Variants in DNAH17 observed in about 807,000 individuals in gnomAD.
The protein encoded by DNAH17 is dynein axonemal heavy chain 17.
Under a neutral mutation model 485.6 loss-of-function variants are expected in DNAH17, and 376 were observed. The ratio of observed to expected loss-of-function variants is 0.77; its 90% CI spans 0.71 to 0.84. The LOEUF is 0.84. DNAH17 is among the 40% of genes least tolerant of loss of function. DNAH17 has a pLI of 0.00. For synonymous variants in DNAH17, 3,031 were observed against 2,405.9 expected, an observed-to-expected ratio of 1.26 and a Z score of -7.60; for missense variants, 6,370 against 5,839.3, an observed-to-expected ratio of 1.09 and a Z score of -2.96.
chr17:78,423,945 C>T lies in DNAH17; in HGVS notation c.13350G>A (p.Lys4450=), dbSNP rs1375267851. 1 of 1,613,906 alleles carries T rather than the reference C, an allele frequency of 6.2e-7. No homozygotes were observed. The highest frequency in any genetic ancestry group is 1.3e-5 in the African/African-American group (1 of 74,942). The change falls in exon 81 of 81, where the codon AAG becomes AAA. Residue 4450 remains lysine (K), a synonymous_variant. Transcript: ENST00000389840. ...FNLKTKEKAA[K]WILAAVALLL... The stretch of plus-strand genomic sequence containing the variant: ...GCAGCGCCACGGCTGCCAGGATCCA[C>T]TTCGCTGCCTTCTCTTTGGTCTTCA...
intron 79 of DNAH17, among the ~76,000 whole-genome samples, 185 bp from the exon 80 acceptor site, chr17:78,425,756 CTTTTTTTTT>C (rs71160294): frequency 6.6e-5 from 8 of 120,770 alleles, no homozygotes; most frequent in African/African-American, 3.1e-4. Flanking sequence ...TTGGTGTCTG[CTTTTTTTTT>C]TTTTTTTTTT....
chr17:78,529,600 C>G lies in DNAH17; in HGVS notation c.3379G>C (p.Gly1127Arg), dbSNP rs61733896. 495 of 1,613,936 alleles carry G rather than the reference C, an allele frequency of 3.1e-4. 2 individuals carry two copies. The African/African-American group carries it at 6.3e-3, about 20-fold the overall frequency. The change falls in exon 22 of 81, where the codon GGG becomes CGG. Residue 1127 changes from glycine to arginine, a missense_variant. Coordinates refer to ENST00000389840, the MANE Select transcript of DNAH17 (RefSeq NM_173628.4). ...GDYDGLVEVM[G>R]HLMKVKERQA... is the part of the protein sequence containing the mutation. Reference sequence around the variant, plus strand: ...CTCTCCTTGACTTTCATCAGGTGCCCCATCACCTCCACAAGCCCATCATAG... The same window carrying G: ...CTCTCCTTGACTTTCATCAGGTGCCGCATCACCTCCACAAGCCCATCATAG...
Position 78,464,579 on chromosome 17 carries a change from T to C in DNAH17, c.8941-1502A>G, listed in dbSNP as rs141321463. Among the ~76,000 whole-genome samples the C allele has an allele frequency of 5.0e-3, 763 of 152,326 alleles. 6 individuals carry two copies. Among genetic ancestry groups the C allele is most frequent in the African/African-American group, 0.017 (708 of 41,572 alleles). ...CCCAGCCCTCGGCACCATCTTTCAA[T>C]GAAAAGAGACTGCAAGAGAATGTCG... is the stretch of plus-strand genomic sequence containing the variant. On this transcript the variant is annotated intron_variant, in intron 56 of 80. Transcript: ENST00000389840.
chr17:78,464,064 A>G (rs2088287792), intron 56 of DNAH17, among the ~76,000 whole-genome samples: 1 of 152,194 alleles, frequency 6.6e-6, no homozygotes, highest in African/African-American at 2.4e-5. Context: ...GGAAAAAGAG[A>G]AGCTAGTTTC....
chr17:78,543,763 A>C (rs764205032), intron 17 of DNAH17, 94 bp downstream of exon 17: 8 of 1,564,902 alleles, frequency 5.1e-6, no homozygotes, highest in South Asian at 4.5e-5. Flanking sequence ...ATGTGTCACT[A>C]ATCATTTTTA....
chr17:78,525,044 G>C lies in DNAH17; in HGVS notation c.3829C>G (p.Arg1277Gly). 1 of 1,613,714 alleles carries C rather than the reference G, an allele frequency of 6.2e-7. No homozygotes were observed. Reference sequence around the variant, plus strand: ...ATGTCCCAGAGCTCCTTCAGTAGGCGGACCTCCCGGTGGCAGGCCTTGAGC... The same window carrying C: ...ATGTCCCAGAGCTCCTTCAGTAGGCCGACCTCCCGGTGGCAGGCCTTGAGC... ...KQLKACHREV[R>G]LLKELWDMVV... is the part of the protein sequence containing the mutation. The change falls in exon 25 of 81, where the codon CGC (arginine) becomes GGC (glycine). Residue 1277 changes from arginine (R) to glycine (G), a missense_variant. Physicochemically the swap from Arg to Gly is moderately radical, Grantham distance 125. Coordinates refer to ENST00000389840, the MANE Select transcript of DNAH17 (RefSeq NM_173628.4).
chr17:78,496,077 C>T (rs1598584776), intron 37 of DNAH17, 45 bp from the exon 38 acceptor site: 11 of 1,587,850 alleles, frequency 6.9e-6, no homozygotes, highest in Non-Finnish European at 9.5e-6. Flanking sequence ...AAATGGCCAG[C>T]TTCCACACAC....
intron 20 of DNAH17, among the ~76,000 whole-genome samples, chr17:78,531,531 G>T (rs1338825646): frequency 6.6e-6 from 1 of 151,844 alleles, no homozygotes; most frequent in African/African-American, 2.4e-5. Context: ...GTACAGATGG[G>T]GTTTCACCGT....
Position 78,435,800 on chromosome 17 carries a change from C to T in DNAH17, c.12034-1580G>A, listed in dbSNP as rs536625153. Reference sequence around the variant, plus strand: ...TGTGAGCTGCATGGCCCCATAGCACCGTGTGTACCCCACGCACTCATCACA... The same window carrying T: ...TGTGAGCTGCATGGCCCCATAGCACTGTGTGTACCCCACGCACTCATCACA... On this transcript the variant is annotated intron_variant, in intron 74 of 80. Transcript: ENST00000389840. 5.3e-5 allele frequency among the ~76,000 whole-genome samples: 8 copies of T among 152,270 alleles called. No individual in the cohort carries two copies. The South Asian group carries it at 6.2e-4, about 12-fold the overall frequency.
At position 78,558,186 on chromosome 17, in the gene DNAH17, C is replaced by T. The variant is rs75907831; in HGVS notation, c.2100G>A (p.Ala700=). 250 of 1,613,768 alleles carry T rather than the reference C, an allele frequency of 1.5e-4. 1 individual carries two copies. In the African/African-American group the frequency reaches 2.4e-3, roughly 15 times the overall value. Reference sequence around the variant, plus strand: ...TTTCGTTCTCTGAGAACAGACTCTCCGCACTGTCTGGAATCTCTTTCTGTT... The same window carrying T: ...TTTCGTTCTCTGAGAACAGACTCTCTGCACTGTCTGGAATCTCTTTCTGTT... ...FQQQKEIPDS[A]ESLFSENETF... is the part of the protein sequence containing the mutation. Residue 700 remains alanine, a synonymous_variant, in exon 14 of 81, where the codon GCG becomes GCA. Transcript: ENST00000389840.
chr17:78,547,221 TATCCTGGAATAC>T (rs1361899156), intron 16 of DNAH17, among the ~76,000 whole-genome samples: 14 of 152,344 alleles, frequency 9.2e-5, no homozygotes, highest in East Asian at 5.8e-4. Context: ...GACCTCTTGG[TATCCTGGAATAC>T]ATCCTGGAAT....
rs2088977086 is a variant in DNAH17, at chr17:78,475,584, A to G, written c.8319+85T>C. On this transcript the variant is annotated intron_variant, in intron 53 of 80. Transcript: ENST00000389840. ...ACTGTGTGCCACGCAGCCCCACACA[A>G]TGCCACTCGGATGTCGATAATGCAA... is the stretch of plus-strand genomic sequence containing the variant. The G allele has an allele frequency of 6.2e-6, 10 of 1,600,130 alleles. No individual in the cohort carries two copies. In the Admixed American group the frequency reaches 1.0e-4, roughly 16 times the overall value.
At chr17:78,463,850 C>G (rs1421322335) in intron 56 of DNAH17, among the ~76,000 whole-genome samples, 2 of 151,790 alleles carry the variant, frequency 1.3e-5, no homozygotes, top group African/African-American at 2.4e-5. Context: ...ATGAATTCAT[C>G]CAACACAGAC....
intron 25 of DNAH17, among the ~76,000 whole-genome samples, chr17:78,523,130 A>T (rs549711513): frequency 6.6e-6 from 1 of 152,010 alleles, no homozygotes; most frequent in African/African-American, 2.4e-5. Flanking sequence ...TGCTGGGATT[A>T]TAGGCATGAG....
chr17:78,555,859 C>T (rs538282338), intron 14 of DNAH17, among the ~76,000 whole-genome samples: 1 of 152,264 alleles, frequency 6.6e-6, no homozygotes, highest in East Asian at 1.9e-4. Flanking sequence ...AGGAATTCAC[C>T]CCTTGTTTCT....
Position 78,459,542 on chromosome 17 carries a change from C to T in DNAH17, c.9653+242G>A, listed in dbSNP as rs76679235. On this transcript the variant is annotated intron_variant, in intron 60 of 80. Coordinates refer to ENST00000389840, the MANE Select transcript of DNAH17 (RefSeq NM_173628.4). ...ATGCATGTGCTCGTGTGGTCAGCTG[C>T]TCTCACAGGTGCTGCTGACCTCTGT... 5.3e-3 allele frequency among the ~76,000 whole-genome samples: 800 copies of T among 152,346 alleles called. 6 individuals are homozygous for T. The highest frequency in any genetic ancestry group is 0.018 in the African/African-American group (765 of 41,574).
chr17:78,437,621 C>A lies in DNAH17; in HGVS notation c.12033+20G>T. The A allele has an allele frequency of 6.3e-7, 1 of 1,579,654 alleles. No individual in the cohort carries two copies. On this transcript the variant is annotated intron_variant, in intron 74 of 80. Coordinates refer to ENST00000389840, the MANE Select transcript of DNAH17 (RefSeq NM_173628.4). Reference sequence around the variant, plus strand: ...CCGTGGCATGGGATGGGGAGGCAGCCCGAGCAGGCGTGGCCCTACCTGGGT... The same window carrying A: ...CCGTGGCATGGGATGGGGAGGCAGCACGAGCAGGCGTGGCCCTACCTGGGT...
At chr17:78,435,056 G>A (rs1273311736) in intron 74 of DNAH17, among the ~76,000 whole-genome samples, 1 of 152,204 alleles carries the variant, frequency 6.6e-6, no homozygotes, top group Non-Finnish European at 1.5e-5. Context: ...AAGAAGGGGA[G>A]CAGCTGGGGT....
chr17:78,511,685 G>A (rs1052367037), intron 26 of DNAH17, among the ~76,000 whole-genome samples: 3 of 152,178 alleles, frequency 2.0e-5, no homozygotes, highest in Non-Finnish European at 4.4e-5. Flanking sequence ...TCTGAGCATT[G>A]ATTCTGAGCC....
Sources: gnomAD v4.1 joint callset for allele counts (sites outside exome capture counted in the v4.1 genomes callset) on GRCh38, gnomAD v4.1.1 for gene constraint, MANE v1.5 for transcripts, NCBI Gene and HGNC (gene_info 2026-07-23, HGNC 2026-07-21) for gene names.